NRF1: variants seen among roughly 807,000 people sequenced by gnomAD.
NRF1 encodes the protein nuclear respiratory factor 1.
Under a neutral mutation model 58.5 loss-of-function variants are expected in NRF1, and 5 were observed. That is an observed-to-expected ratio of 0.09 (90% CI 0.04 to 0.18). The LOEUF is 0.18. Among genes scored for constraint, NRF1 ranks in the 10% least tolerant of loss-of-function variants. NRF1 has a pLI of 1.00. For missense variants in NRF1, 288 were observed against 657.7 expected (o/e 0.44, Z 6.15); for synonymous variants, 224 against 246.7 (o/e 0.91, Z 0.86).
intron 1 of NRF1, among the ~76,000 whole-genome samples, chr7:129,631,237 T>A (rs1584589182): frequency 2.2e-4 from 1 of 4,536 alleles, no homozygotes; most frequent in Admixed American, 3.5e-3. Context: ...TTTGATTTAA[T>A]TTTTTTTTTT....
intron 10 of NRF1, among the ~76,000 whole-genome samples, chr7:129,750,634 G>A (rs1011243808): frequency 2.0e-5 from 3 of 152,234 alleles, no homozygotes; most frequent in African/African-American, 7.2e-5. Context: ...TGCTTCTAAG[G>A]TGTGTGGCTG....
At chr7:129,744,530 A>G (rs1465120972) in intron 10 of NRF1, among the ~76,000 whole-genome samples, 1 of 152,148 alleles carries the variant, frequency 6.6e-6, no homozygotes, top group East Asian at 1.9e-4. Context: ...TGCTGGCCTC[A>G]AGTGATCCTC....
intron 1 of NRF1, among the ~76,000 whole-genome samples, chr7:129,622,068 A>C (rs1428869162): frequency 1.3e-5 from 2 of 152,208 alleles, no homozygotes; most frequent in East Asian, 3.9e-4. Flanking sequence ...GGTGTGAGCC[A>C]CCGTGACCGG....
intron 9 of NRF1, among the ~76,000 whole-genome samples, chr7:129,721,646 T>C (rs1407551344): frequency 6.6e-6 from 1 of 151,990 alleles, no homozygotes; most frequent in Non-Finnish European, 1.5e-5. Flanking sequence ...CACGCCCAGC[T>C]AATTTTTTAT....
At chr7:129,735,882 C>T (rs1803697132) in intron 10 of NRF1, among the ~76,000 whole-genome samples, 1 of 152,116 alleles carries the variant, frequency 6.6e-6, no homozygotes, top group Non-Finnish European at 1.5e-5. Context: ...GTGGCAGGCA[C>T]CTGTAGTCCC....
intron 4 of NRF1, among the ~76,000 whole-genome samples, chr7:129,681,840 A>AC (rs989169200): frequency 0.28 from 72 of 260 alleles, no homozygotes; most frequent in African/African-American, 0.39. Flanking sequence ...TAATCCCAGC[A>AC]CTTGGAAGGC....
intron 1 of NRF1, among the ~76,000 whole-genome samples, chr7:129,648,545 C>A (rs1801464526): frequency 6.6e-6 from 1 of 152,150 alleles, no homozygotes; most frequent in Non-Finnish European, 1.5e-5. Flanking sequence ...TCCCAAAGTG[C>A]TGAGATTACA....
At chr7:129,632,886 C>T (rs909118268) in intron 1 of NRF1, among the ~76,000 whole-genome samples, 2 of 152,134 alleles carry the variant, frequency 1.3e-5, no homozygotes, top group Non-Finnish European at 2.9e-5. Context: ...AGAGATACTA[C>T]AGTCAATATT....
intron 1 of NRF1, among the ~76,000 whole-genome samples, chr7:129,619,433 T>TATACACACACACACACACAC (rs1554401492): frequency 1.5e-5 from 1 of 65,864 alleles, no homozygotes; most frequent in African/African-American, 8.2e-5. Flanking sequence ...TATATATATA[T>TATACACACACACACACACAC]ACACACACAC....
rs565297281 is a variant in NRF1, at chr7:129,676,631, CACAGATCACTATA to C, written c.339-994_339-982del. On this transcript the variant is annotated intron_variant, in intron 3 of 10. Transcript: ENST00000393232. ...AATAGTAACATCGAAGATCACTGAT[CACAGATCACTATA>C]ACAGATTATAATAATGAAGAAGTTT... Among the ~76,000 whole-genome samples, 32 of 152,280 alleles carry C rather than the reference CACAGATCACTATA, an allele frequency of 2.1e-4. 1 individual carries two copies. The East Asian group carries it at 6.2e-3, about 29-fold the overall frequency.
intron 1 of NRF1, among the ~76,000 whole-genome samples, chr7:129,656,681 TCTC>T (rs1448544154): frequency 6.6e-6 from 1 of 152,036 alleles, no homozygotes; most frequent in African/African-American, 2.4e-5. Flanking sequence ...TTCAAGCACT[TCTC>T]CTGCCTCAGC....
intron 5 of NRF1, among the ~76,000 whole-genome samples, chr7:129,693,567 C>CTGTTATTAA (rs1802617102): frequency 6.6e-6 from 1 of 151,690 alleles, no homozygotes; most frequent in South Asian, 2.1e-4. Flanking sequence ...AGCTCATTGG[C>CTGTTATTAA]TGTTATTAAT....
intron 4 of NRF1, among the ~76,000 whole-genome samples, chr7:129,687,277 T>C (rs1215873962): frequency 1.9e-5 from 2 of 103,058 alleles, no homozygotes; most frequent in Non-Finnish European, 4.4e-5. Flanking sequence ...ATGCAAGTCC[T>C]TTTTTTTTTT....
chr7:129,620,219 G>A (rs1357722372), intron 1 of NRF1, among the ~76,000 whole-genome samples: 1 of 152,146 alleles, frequency 6.6e-6, no homozygotes, highest in Non-Finnish European at 1.5e-5. Flanking sequence ...GGGAGTAGGA[G>A]CACCAGAAGG....
At chr7:129,657,212 G>T in intron 1 of NRF1, 134 bp from the exon 2 acceptor site, 1 of 632,670 alleles carries the variant, frequency 1.6e-6, no homozygotes, top group Non-Finnish European at 2.8e-6. Context: ...CCTGTGACTT[G>T]GTGTGGCACG....
intron 1 of NRF1, among the ~76,000 whole-genome samples, chr7:129,646,145 G>A (rs1180956618): frequency 6.6e-6 from 1 of 152,178 alleles, no homozygotes; most frequent in Non-Finnish European, 1.5e-5. Context: ...CGCCAGGCCT[G>A]TGAGACATTT....
chr7:129,750,561 G>A (rs62489334), intron 10 of NRF1, among the ~76,000 whole-genome samples: 19,800 of 152,168 alleles, frequency 0.13, 1,618 homozygotes, highest in Admixed American at 0.23. Context: ...AGAAAACAGC[G>A]GAATTGGGGT....
intron 1 of NRF1, among the ~76,000 whole-genome samples, chr7:129,628,584 TAAGAG>T (rs1242911100): frequency 3.9e-5 from 6 of 152,220 alleles, no homozygotes; most frequent in Non-Finnish European, 7.3e-5. Flanking sequence ...ATGTCTGGCT[TAAGAG>T]AAGACAGCTG....
chr7:129,663,319 C>T (rs1025790208), intron 2 of NRF1, among the ~76,000 whole-genome samples: 1 of 151,938 alleles, frequency 6.6e-6, no homozygotes, highest in Non-Finnish European at 1.5e-5. Flanking sequence ...AGCAGAGGCG[C>T]TCCCCACTTC....
Sources: gnomAD v4.1 joint callset for allele counts (sites outside exome capture counted in the v4.1 genomes callset) on GRCh38, gnomAD v4.1.1 for gene constraint, MANE v1.5 for transcripts, NCBI Gene and HGNC (gene_info 2026-07-23, HGNC 2026-07-21) for gene names.